Variants in PCDHGA12 observed in about 807,000 individuals in gnomAD.
The protein encoded by PCDHGA12 is protocadherin gamma-A12.
PCDHGA12 carries 43 observed loss-of-function variants against 61.1 expected under a neutral mutation model. The observed-to-expected ratio is 0.70, with a 90% CI of 0.55 to 0.91. The LOEUF (loss-of-function observed/expected upper bound fraction) is 0.91. Among genes scored for constraint, PCDHGA12 ranks in the 40% least tolerant of loss-of-function variants. The probability of loss-of-function intolerance (pLI) is 0.00; values close to 1 mark genes in which losing one functional copy is unlikely to be tolerated. For missense variants in PCDHGA12, 1,236 were observed against 1,227.7 expected (o/e 1.01, Z -0.10); for synonymous variants, 520 against 542.9 (o/e 0.96, Z 0.59).
chr5:141,500,184 T>TTTTATTTA (rs58019021), intron 2 of PCDHGA12, among the ~76,000 whole-genome samples: 1,392 of 135,954 alleles, frequency 0.01, 12 homozygotes, highest in South Asian at 0.02. Flanking sequence ...TCATTTTTAT[T>TTTTATTTA]TTTATTTATT....
intron 2 of PCDHGA12, among the ~76,000 whole-genome samples, chr5:141,496,505 A>G (rs1166234572): frequency 1.3e-5 from 2 of 152,144 alleles, no homozygotes; most frequent in Non-Finnish European, 2.9e-5. Flanking sequence ...TGTTGCCACA[A>G]GGACCCAGGA....
intron 1 of PCDHGA12, among the ~76,000 whole-genome samples, chr5:141,474,116 A>G (rs2099342954): frequency 1.3e-5 from 2 of 152,234 alleles, no homozygotes; most frequent in African/African-American, 4.8e-5. Flanking sequence ...AACAACAACG[A>G]AAATCTCAGA....
At chr5:141,479,619 T>C (rs1327758222) in intron 1 of PCDHGA12, 1 of 152,220 alleles carries the variant, frequency 6.6e-6, no homozygotes, top group Non-Finnish European at 1.5e-5. Flanking sequence ...AGGGAAACCA[T>C]GTCTCTTTAA....
At chr5:141,501,290 TACACACACACACACAC>T (rs55762287) in intron 2 of PCDHGA12, among the ~76,000 whole-genome samples, 7 of 136,164 alleles carry the variant, frequency 5.1e-5, no homozygotes, top group South Asian at 2.4e-4. Context: ...TATTCCCTTA[TACACACACACACACAC>T]ACACACACAC....
intron 1 of PCDHGA12, among the ~76,000 whole-genome samples, chr5:141,434,819 A>G (rs2097719619): frequency 6.6e-6 from 1 of 151,946 alleles, no homozygotes; most frequent in Admixed American, 6.6e-5. Flanking sequence ...TATATCCCTT[A>G]GTACACTTGG....
In PCDHGA12 at chr5:141,491,925, G is replaced by A. The variant is rs1019181943; in HGVS notation, c.2425-2882G>A. 5 of 1,325,176 alleles carry A rather than the reference G, an allele frequency of 3.8e-6. No homozygotes were observed. In the Admixed American group the frequency reaches 1.5e-4, roughly 39 times the overall value. 82.1% of individuals were successfully genotyped at this position (1,325,176 alleles called of 1,614,324 possible). A position where few individuals can be genotyped will look rare whatever the true frequency, so the allele number is the denominator to read the frequency against. On this transcript the variant is annotated intron_variant, in intron 1 of 3. Coordinates refer to ENST00000252085, the MANE Select transcript of PCDHGA12 (RefSeq NM_003735.3). The surrounding 1 kb of genome is among the most constrained non-coding windows in gnomAD (Gnocchi z 6.9). ...GGGTGGTGGCGACTGTGGGCGAGGG[G>A]AGGTGGGACCGACCCCCACCCCTAC...
intron 1 of PCDHGA12, among the ~76,000 whole-genome samples, chr5:141,448,629 C>T (rs1188418541): frequency 6.6e-6 from 1 of 152,060 alleles, no homozygotes; most frequent in Non-Finnish European, 1.5e-5. Flanking sequence ...CCTTTCTTCA[C>T]ATTATATCCT....
In PCDHGA12 at chr5:141,486,574, C is replaced by T. The variant is rs1435813800; in HGVS notation, c.2425-8233C>T. On this transcript the variant is annotated intron_variant, in intron 1 of 3. Transcript: ENST00000252085. This position sits in a 1 kb window ranked among gnomAD's most constrained non-coding sequence, Gnocchi z 5.0. ...CACATGAGGTGTTTGTTCCTGAGAACAATCGCCCAGGGGACCTGCTTTGCT... is the reference window on the plus strand; with the variant it reads ...CACATGAGGTGTTTGTTCCTGAGAATAATCGCCCAGGGGACCTGCTTTGCT... The T allele has an allele frequency of 1.9e-6, 3 of 1,613,868 alleles. No homozygotes were observed. Among genetic ancestry groups the T allele is most frequent in the Non-Finnish European group, 2.5e-6 (3 of 1,180,002 alleles).
intron 3 of PCDHGA12, 79 bp downstream of exon 3, chr5:141,505,560 G>A: frequency 6.2e-7 from 1 of 1,604,768 alleles, no homozygotes; most frequent in South Asian, 1.1e-5. Context: ...CATGCCCACG[G>A]ACTGGATGTC....
At position 141,494,925 on chromosome 5, in the gene PCDHGA12, G is replaced by A. The variant is rs936071950; in HGVS notation, c.2483+60G>A. On this transcript the variant is annotated intron_variant, in intron 2 of 3. Coordinates refer to ENST00000252085, the MANE Select transcript of PCDHGA12 (RefSeq NM_003735.3). ...TGCGGCATTTTCTCAGGGATGACGT[G>A]GGAGGAGATGGGGGAGGGCCCAGCA... is the stretch of plus-strand genomic sequence containing the variant. The A allele has an allele frequency of 3.3e-4, 525 of 1,613,316 alleles. 2 individuals carry two copies. Among genetic ancestry groups the A allele is most frequent in the Admixed American group, 4.7e-4 (28 of 59,956 alleles).
chr5:141,457,079 C>T (rs114054058), intron 1 of PCDHGA12, among the ~76,000 whole-genome samples: 2,973 of 152,194 alleles, frequency 0.02, 43 homozygotes, highest in African/African-American at 0.029. Flanking sequence ...AACTATTATC[C>T]CTGCTATAAG....
Position 141,486,677 on chromosome 5 carries a change from G to A in PCDHGA12, c.2425-8130G>A, listed in dbSNP as rs755512470. ...ACTCCTGGAGCCCAGGAATCGAGATGTATCAGCTTCCTCTTTCATCTCTCT... is the reference window on the plus strand; with the variant it reads ...ACTCCTGGAGCCCAGGAATCGAGATATATCAGCTTCCTCTTTCATCTCTCT... On this transcript the variant is annotated intron_variant, in intron 1 of 3. Transcript: ENST00000252085. This position sits in a 1 kb window ranked among gnomAD's most constrained non-coding sequence, Gnocchi z 5.0. The A allele has an allele frequency of 3.7e-6, 6 of 1,614,060 alleles. No individual in the cohort carries two copies. Among genetic ancestry groups the A allele is most frequent in the Middle Eastern group, 1.6e-4 (1 of 6,062 alleles).
chr5:141,485,374 T>A lies in PCDHGA12; in HGVS notation c.2425-9433T>A. Reference sequence around the variant, plus strand: ...TGTCAGCTCGCAGGCTGCAGGTCGCTGGAGAGGTGAACCAAAGACACTTCC... The same window carrying A: ...TGTCAGCTCGCAGGCTGCAGGTCGCAGGAGAGGTGAACCAAAGACACTTCC... On this transcript the variant is annotated intron_variant, in intron 1 of 3. Coordinates refer to ENST00000252085, the MANE Select transcript of PCDHGA12 (RefSeq NM_003735.3). The surrounding 1 kb of genome is among the most constrained non-coding windows in gnomAD (Gnocchi z 5.7). The A allele has an allele frequency of 1.2e-6, 2 of 1,614,082 alleles. No homozygotes were observed. Among genetic ancestry groups the A allele is most frequent in the Non-Finnish European group, 1.7e-6 (2 of 1,179,998 alleles).
In PCDHGA12 at chr5:141,485,842, T is replaced by C; in HGVS notation, c.2425-8965T>C. ...TCGATGGAGGGAACCCGCCGAGATC[T>C]GGCACCGCAGAGCTCCGGGTATCCG... On this transcript the variant is annotated intron_variant, in intron 1 of 3. Coordinates refer to ENST00000252085, the MANE Select transcript of PCDHGA12 (RefSeq NM_003735.3). This position sits in a 1 kb window ranked among gnomAD's most constrained non-coding sequence, Gnocchi z 5.7. 1 of 1,614,002 alleles carries C rather than the reference T, an allele frequency of 6.2e-7. No homozygotes were observed. Among genetic ancestry groups the C allele is most frequent in the Non-Finnish European group, 8.5e-7 (1 of 1,179,982 alleles).
rs1297208780 is a variant in PCDHGA12 at position 141,486,613 on chromosome 5, T to C, written c.2425-8194T>C. 2 of 1,613,658 alleles carry C rather than the reference T, an allele frequency of 1.2e-6. No individual in the cohort carries two copies. The highest frequency in any genetic ancestry group is 2.7e-5 in the African/African-American group (2 of 75,074). On this transcript the variant is annotated intron_variant, in intron 1 of 3. Coordinates refer to ENST00000252085, the MANE Select transcript of PCDHGA12 (RefSeq NM_003735.3). The surrounding 1 kb of genome is among the most constrained non-coding windows in gnomAD (Gnocchi z 5.0). ...ACCTGCTTTGCTCCCTTGCAGCCTC[T>C]GACCCAGACTCTGGCTTGAATGCGC...
Position 141,511,151 on chromosome 5 carries a change from C to T in PCDHGA12, c.2777C>T (p.Ser926Leu), listed in dbSNP as rs202071188. The T allele has an allele frequency of 3.0e-5, 49 of 1,614,152 alleles. No individual in the cohort carries two copies. The highest frequency in any genetic ancestry group is 2.6e-4 in the South Asian group (24 of 91,066). The change falls in exon 4 of 4, where the codon TCG becomes TTG. Residue 926 changes from serine (S) to leucine (L), a missense_variant. Ser to Leu is a moderately radical substitution (Grantham distance 145, BLOSUM62 -2). Coordinates refer to ENST00000252085, the MANE Select transcript of PCDHGA12 (RefSeq NM_003735.3). ...GGTGGCAATGGCAACAAGAAGAAGT[C>T]GGGCAAGAAGGAGAAGAAGTAACAT... ...PAGGNGNKKK[S>L]GKKEKK
chr5:141,469,206 AG>A (rs1457933263), intron 1 of PCDHGA12, among the ~76,000 whole-genome samples: 1 of 150,920 alleles, frequency 6.6e-6, no homozygotes, highest in African/African-American at 2.4e-5. Context: ...AGCCTTTTGA[AG>A]TTGAGGCTTC....
chr5:141,489,013 C>T lies in PCDHGA12; in HGVS notation c.2425-5794C>T, dbSNP rs533320646. ...AGGTGGGAGATCTGCTCTTCCAGCC[C>T]GCCTCTCCTCCTCCAGCTCCCCAGC... On this transcript the variant is annotated intron_variant, in intron 1 of 3. Coordinates refer to ENST00000252085, the MANE Select transcript of PCDHGA12 (RefSeq NM_003735.3). The surrounding 1 kb of genome is among the most constrained non-coding windows in gnomAD (Gnocchi z 4.5). 4.6e-5 allele frequency: 20 copies of T among 438,612 alleles called. No homozygotes were observed. Among genetic ancestry groups the T allele is most frequent in the East Asian group, 2.7e-4 (8 of 29,802 alleles). The allele number at this position is 438,612 out of a possible 1,614,324, so 27.2% of individuals were successfully genotyped here.
At chr5:141,507,474 C>T (rs774159694) in intron 3 of PCDHGA12, among the ~76,000 whole-genome samples, 2 of 152,196 alleles carry the variant, frequency 1.3e-5, no homozygotes, top group Non-Finnish European at 2.9e-5. Flanking sequence ...GCAGGGACTG[C>T]TGGCCTCCTG....
Sources: allele counts gnomAD v4.1 joint callset (sites outside exome capture counted in the v4.1 genomes callset), GRCh38; gene constraint gnomAD v4.1.1; non-coding constraint Gnocchi (gnomAD v3.1); transcripts MANE v1.5; gene names NCBI Gene and HGNC (gene_info 2026-07-23, HGNC 2026-07-21).